The following SFT2D1 variants were observed in gnomAD, a reference collection of about 807,000 sequenced individuals.
The protein encoded by SFT2D1 is SFT2 domain containing 1.
Under a neutral mutation model 28.1 loss-of-function variants are expected in SFT2D1, and 24 were observed. The observed-to-expected ratio is 0.85, with a 90% CI of 0.62 to 1.20. SFT2D1 has a LOEUF of 1.20. Among genes scored for constraint, SFT2D1 ranks in the 50% most tolerant of loss-of-function variants. SFT2D1 has a pLI of 0.00. For synonymous variants in SFT2D1, 82 were observed against 73.7 expected, an observed-to-expected ratio of 1.11 and a Z score of -0.58; for missense variants, 181 against 190.9, an observed-to-expected ratio of 0.95 and a Z score of 0.31.
chr6:166,337,259 C>A (rs1229814036), intron 1 of SFT2D1, among the ~76,000 whole-genome samples: 1 of 152,212 alleles, frequency 6.6e-6, no homozygotes, highest in Non-Finnish European at 1.5e-5. Context: ...CCAGCTGGCA[C>A]ACGCCTGGCA....
At chr6:166,323,306 A>C (rs368493346) in intron 6 of SFT2D1, 2 of 157,256 alleles carry the variant, frequency 1.3e-5, no homozygotes, top group East Asian at 3.7e-4. Context: ...GTTTCTTCAC[A>C]TATCAGTGAA....
chr6:166,334,399 C>T (rs1042405442), intron 1 of SFT2D1, among the ~76,000 whole-genome samples: 1 of 152,256 alleles, frequency 6.6e-6, no homozygotes, highest in Non-Finnish European at 1.5e-5. Flanking sequence ...CAAGACCTGC[C>T]TGGGCAACAT....
At chr6:166,327,405 C>T (rs1389924572) in intron 4 of SFT2D1, among the ~76,000 whole-genome samples, 1 of 152,110 alleles carries the variant, frequency 6.6e-6, no homozygotes, top group Non-Finnish European at 1.5e-5. Context: ...CTCTCATCTA[C>T]CCGCCACCCA....
In SFT2D1 at chr6:166,329,542, C is replaced by T. The variant is rs747065077; in HGVS notation, c.198G>A (p.Val66=). 6.2e-7 allele frequency: 1 copy of T among 1,611,410 alleles called. No homozygotes were observed. The highest frequency in any genetic ancestry group is 1.1e-5 in the South Asian group (1 of 90,686). ...WLPGGIKLFA[V]FYTLGNLAAL... ...CAGCAAGATTGCCGAGGGTATAAAA[C>T]ACTGCAAAAAGCTTTATGCCGCCCG... is the stretch of plus-strand genomic sequence containing the variant. The change falls in exon 3 of 8, where the codon GTG becomes GTA. Residue 66 remains valine (V), a synonymous_variant. Coordinates refer to ENST00000361731, the MANE Select transcript of SFT2D1 (RefSeq NM_145169.3).
intron 1 of SFT2D1, among the ~76,000 whole-genome samples, chr6:166,330,584 G>A (rs1294258014): frequency 6.6e-6 from 1 of 152,130 alleles, no homozygotes; most frequent in African/African-American, 2.4e-5. Context: ...AAAACACAGG[G>A]GGCAGATGCA....
chr6:166,342,392 G>A, intron 1 of SFT2D1, 27 bp downstream of exon 1: 1 of 1,544,576 alleles, frequency 6.5e-7, no homozygotes, highest in Non-Finnish European at 8.7e-7. Context: ...GCAGCCCCGG[G>A]ACTGGACGAG....
chr6:166,340,509 C>G (rs762150431), intron 1 of SFT2D1, among the ~76,000 whole-genome samples: 6 of 152,214 alleles, frequency 3.9e-5, no homozygotes, highest in Non-Finnish European at 8.8e-5. Flanking sequence ...GGCCTCCTTA[C>G]TGGCCCTGAA....
At chr6:166,321,165 A>T (rs9347123) in intron 7 of SFT2D1, among the ~76,000 whole-genome samples, 64,896 of 152,062 alleles carry the variant, frequency 0.43, 15,417 homozygotes, top group South Asian at 0.6. Flanking sequence ...TTTATAACTG[A>T]ATCCTCAGAA....
At chr6:166,335,670 C>T (rs1363819492) in intron 1 of SFT2D1, among the ~76,000 whole-genome samples, 1 of 151,152 alleles carries the variant, frequency 6.6e-6, no homozygotes, top group African/African-American at 2.4e-5. Context: ...AATGGAATAC[C>T]AGGCATAAAT....
At chr6:166,320,886 T>C (rs181123577) in intron 7 of SFT2D1, among the ~76,000 whole-genome samples, 59 of 152,256 alleles carry the variant, frequency 3.9e-4, no homozygotes, top group Middle Eastern at 3.4e-3. Context: ...GGTGGATCAC[T>C]TGAGGTCAGG....
chr6:166,334,737 C>A, intron 1 of SFT2D1: 1 of 342,738 alleles, frequency 2.9e-6, no homozygotes, highest in South Asian at 2.8e-5. Context: ...GAGATCCAAG[C>A]ACCAAGCACT....
intron 4 of SFT2D1, among the ~76,000 whole-genome samples, chr6:166,326,472 T>C (rs1044562320): frequency 1.3e-5 from 2 of 152,190 alleles, no homozygotes; most frequent in African/African-American, 4.8e-5. Flanking sequence ...GTGGGCAGTG[T>C]GGTGTTGGAA....
rs919267252 is a variant in SFT2D1, at chr6:166,323,208, T to C, written c.411-322A>G. On this transcript the variant is annotated intron_variant, in intron 6 of 7. Coordinates refer to ENST00000361731, the MANE Select transcript of SFT2D1 (RefSeq NM_145169.3). ...ATAGAAACTGTACCACAACTGATAA[T>C]TATAGTCTCCTTTAGGGATAAATCA... The C allele has an allele frequency of 2.0e-5, 5 of 249,218 alleles. No individual in the cohort carries two copies. In the South Asian group the frequency reaches 5.0e-4, roughly 25 times the overall value. 15.4% of individuals were successfully genotyped at this position (249,218 alleles called of 1,614,324 possible).
chr6:166,324,956 C>T (rs554270595), intron 5 of SFT2D1, among the ~76,000 whole-genome samples: 14 of 152,004 alleles, frequency 9.2e-5, no homozygotes, highest in Admixed American at 8.5e-4. Context: ...TCTGTATGCC[C>T]CATGTGAAAT....
rs185145780 is a variant in SFT2D1, at chr6:166,331,210, G to A, written c.64-963C>T. Among the ~76,000 whole-genome samples, 4 of 152,276 alleles carry A rather than the reference G, an allele frequency of 2.6e-5. No individual in the cohort carries two copies. In the East Asian group the frequency reaches 5.8e-4, roughly 22 times the overall value. On this transcript the variant is annotated intron_variant, in intron 1 of 7. Transcript: ENST00000361731. ...AAAAAAGTATCTATCAACAGCAGCTGTGCAAGAAACTAGAAATATACAGCA... is the reference window on the plus strand; with the variant it reads ...AAAAAAGTATCTATCAACAGCAGCTATGCAAGAAACTAGAAATATACAGCA...
chr6:166,322,783 A>G (rs1161172874), intron 7 of SFT2D1, 74 bp downstream of exon 7: 5 of 1,262,258 alleles, frequency 4.0e-6, no homozygotes, highest in African/African-American at 1.5e-5. Flanking sequence ...TTTATGTAAA[A>G]ATTACTTAAA....
rs1235680476 is a variant in SFT2D1, at chr6:166,319,849, A to C, written c.*368T>G. ...ACATTTAAAGTAAAAAAAATCTTAAAAATGCAGACATTTTTTAAAAGCAAA... is the reference window on the plus strand; with the variant it reads ...ACATTTAAAGTAAAAAAAATCTTAACAATGCAGACATTTTTTAAAAGCAAA... On this transcript the variant is annotated 3_prime_UTR_variant, in exon 8 of 8. Transcript: ENST00000361731. 1 of 158,754 alleles carries C rather than the reference A, an allele frequency of 6.3e-6. No individual in the cohort carries two copies. Among genetic ancestry groups the C allele is most frequent in the East Asian group, 1.8e-4 (1 of 5,570 alleles). The allele number at this position is 158,754 out of a possible 1,614,324, so 9.8% of individuals were successfully genotyped here. A position where few individuals can be genotyped will look rare whatever the true frequency, so the allele number is the denominator to read the frequency against.
At chr6:166,336,556 C>T (rs1405042233) in intron 1 of SFT2D1, among the ~76,000 whole-genome samples, 2 of 152,116 alleles carry the variant, frequency 1.3e-5, no homozygotes, top group South Asian at 2.1e-4. Context: ...ATGATCAAGG[C>T]GCCAGCAGAT....
chr6:166,328,343 A>G lies in SFT2D1; in HGVS notation c.248T>C (p.Met83Thr), dbSNP rs762890591. The part of the protein sequence containing the change: ...LAALASTCFL[M>T]GPVKQLKKMF... ...TTTCTTCAGTTGCTTCACAGGTCCCATTAAAAAGCATGTACTATTTGAAAC... is the reference window on the plus strand; with the variant it reads ...TTTCTTCAGTTGCTTCACAGGTCCCGTTAAAAAGCATGTACTATTTGAAAC... Residue 83 changes from methionine (M) to threonine (T), a missense_variant, in exon 4 of 8, where the codon ATG becomes ACG. By Grantham distance (81) the Met-to-Thr change is moderately conservative. Coordinates refer to ENST00000361731, the MANE Select transcript of SFT2D1 (RefSeq NM_145169.3). 9 of 1,584,008 alleles carry G rather than the reference A, an allele frequency of 5.7e-6. No homozygotes were observed. In the South Asian group the frequency reaches 7.0e-5, roughly 12 times the overall value.
Sources: allele counts gnomAD v4.1 joint callset (sites outside exome capture counted in the v4.1 genomes callset), GRCh38; gene constraint gnomAD v4.1.1; transcripts MANE v1.5; gene names NCBI Gene and HGNC (gene_info 2026-07-23, HGNC 2026-07-21).